Variants in CENPM observed in about 807,000 individuals in gnomAD.
The protein encoded by CENPM is centromere protein M.
A neutral mutation model predicts 19.6 loss-of-function variants in CENPM; 14 were observed. That is an observed-to-expected ratio of 0.71 (90% CI 0.47 to 1.11). The LOEUF (loss-of-function observed/expected upper bound fraction) is 1.11, where lower values mean the gene tolerates loss of function less well. Ranked by LOEUF, CENPM falls within the 50% of genes most tolerant of loss-of-function variation. CENPM has a pLI of 0.00. For missense variants in CENPM, 239 were observed against 228.4 expected (o/e 1.05, Z -0.30); for synonymous variants, 114 against 101.5 (o/e 1.12, Z -0.74).
At chr22:41,945,204 A>G (rs1398546416) in intron 4 of CENPM, 21 bp downstream of exon 4, 1 of 1,613,784 alleles carries the variant, frequency 6.2e-7, no homozygotes. Context: ...GTGGGCAGTA[A>G]CAGGCGAGGA....
At chr22:41,943,220 T>C (rs918388510) in intron 5 of CENPM, among the ~76,000 whole-genome samples, 26 of 152,172 alleles carry the variant, frequency 1.7e-4, no homozygotes, top group African/African-American at 6.3e-4. Context: ...GACATACGCT[T>C]GGCCTCACAA....
chr22:41,945,371 A>G (rs1375389736), intron 3 of CENPM, 67 bp from the exon 4 acceptor site: 7 of 1,602,148 alleles, frequency 4.4e-6, no homozygotes, highest in Non-Finnish European at 6.0e-6. Flanking sequence ...AGAAAGCAGA[A>G]GTCCTTGCTT....
At chr22:41,932,873 C>G in the CENPM span, among the ~76,000 whole-genome samples, 1 of 152,244 alleles carries the variant, frequency 6.6e-6, no homozygotes, top group Non-Finnish European at 1.5e-5. This position sits in a 1 kb window ranked among gnomAD's most constrained non-coding sequence, Gnocchi z 4.3. Flanking sequence ...CTCCCCGTCA[C>G]TCGCCACTCA....
At chr22:41,929,820 G>T in the CENPM span, among the ~76,000 whole-genome samples, 2 of 151,654 alleles carry the variant, frequency 1.3e-5, no homozygotes, top group Admixed American at 1.3e-4. Context: ...GGGGTGGGGG[G>T]CTGCAGCAGG....
the CENPM span, among the ~76,000 whole-genome samples, chr22:41,930,899 C>T: frequency 5.4e-5 from 8 of 149,124 alleles, no homozygotes; most frequent in South Asian, 2.1e-4. Context: ...TGCAATGGCA[C>T]GATCTTGGCT....
chr22:41,927,960 G>A, the CENPM span, among the ~76,000 whole-genome samples: 2 of 152,244 alleles, frequency 1.3e-5, no homozygotes, highest in Non-Finnish European at 2.9e-5. Context: ...CGATGGTGAA[G>A]TGTTTGCCAG....
At chr22:41,940,421 T>C (rs569962705) in intron 5 of CENPM, among the ~76,000 whole-genome samples, 1 of 152,288 alleles carries the variant, frequency 6.6e-6, no homozygotes, top group African/African-American at 2.4e-5. Flanking sequence ...AGTCTCGCTT[T>C]GTCACCCAGG....
the CENPM span, among the ~76,000 whole-genome samples, chr22:41,932,703 C>A: frequency 6.6e-6 from 1 of 152,200 alleles, no homozygotes; most frequent in African/African-American, 2.4e-5. The surrounding 1 kb of genome is among the most constrained non-coding windows in gnomAD (Gnocchi z 4.3). Context: ...AAAGCCCCCA[C>A]CTCTTGGGGG....
the CENPM span, among the ~76,000 whole-genome samples, chr22:41,931,405 G>T: frequency 1.3e-5 from 2 of 151,774 alleles, no homozygotes; most frequent in African/African-American, 2.4e-5. Flanking sequence ...GTTTGAACCC[G>T]GAAGCCAGAG....
At chr22:41,937,216 C>T (rs1187807988), downstream of CENPM, among the ~76,000 whole-genome samples, 1 of 152,244 alleles carries the variant, frequency 6.6e-6, no homozygotes. Flanking sequence ...CAAAATGAGA[C>T]CTCCAGCCAG....
Position 41,939,001 on chromosome 22 carries a change from G to A in CENPM, c.*55C>T. 1.3e-6 allele frequency: 2 copies of A among 1,599,866 alleles called. No homozygotes were observed. Among genetic ancestry groups the A allele is most frequent in the Non-Finnish European group, 1.7e-6 (2 of 1,172,412 alleles). ...TGACTGGACATCCTCAACAGAGAAT[G>A]TTTATGGAGTCAGCACGAAGCCATG... On this transcript the variant is annotated 3_prime_UTR_variant, in exon 6 of 6. Transcript: ENST00000215980.
At chr22:41,942,530 C>T (rs1482428655) in intron 5 of CENPM, among the ~76,000 whole-genome samples, 7 of 152,082 alleles carry the variant, frequency 4.6e-5, no homozygotes, top group Non-Finnish European at 7.4e-5. Context: ...GCGGGCGGAT[C>T]ACGAGGTCAG....
chr22:41,945,688 G>C (rs933672612), intron 3 of CENPM, among the ~76,000 whole-genome samples: 3 of 152,026 alleles, frequency 2.0e-5, no homozygotes, highest in African/African-American at 7.2e-5. Flanking sequence ...TGCCCACCTT[G>C]GCCTCCCAAA....
At chr22:41,940,783 T>C (rs969933033) in intron 5 of CENPM, among the ~76,000 whole-genome samples, 1 of 152,136 alleles carries the variant, frequency 6.6e-6, no homozygotes, top group Non-Finnish European at 1.5e-5. Flanking sequence ...ATAAGTCCTC[T>C]AAGTTTGGTG....
chr22:41,933,446 T>G, the CENPM span, among the ~76,000 whole-genome samples: 1 of 152,092 alleles, frequency 6.6e-6, no homozygotes, highest in Non-Finnish European at 1.5e-5. Context: ...GGGGGACCCC[T>G]TGGGCCTGGC....
Position 41,944,600 on chromosome 22 carries a change from T to C in CENPM, c.310+625A>G, listed in dbSNP as rs1470114763. ...CAATAGGAATATGAAAACAAAGCAA[T>C]TACCGTGTCTGCCTCACAGTGACAG... On this transcript the variant is annotated intron_variant, in intron 4 of 5. Coordinates refer to ENST00000215980, the MANE Select transcript of CENPM (RefSeq NM_024053.5). 5.5e-6 allele frequency: 5 copies of C among 902,336 alleles called. No individual in the cohort carries two copies. In the East Asian group the frequency reaches 4.7e-4, roughly 86 times the overall value. The allele number at this position is 902,336 out of a possible 1,614,324, so 55.9% of individuals were successfully genotyped here.
chr22:41,936,163 C>T (rs1185381177), downstream of CENPM, among the ~76,000 whole-genome samples: 3 of 152,226 alleles, frequency 2.0e-5, no homozygotes, highest in African/African-American at 7.2e-5. Flanking sequence ...AGCCACTGCG[C>T]CTGGCCTCCA....
At chr22:41,938,452 G>A (rs908682514), downstream of CENPM, among the ~76,000 whole-genome samples, 4 of 133,712 alleles carry the variant, frequency 3.0e-5, no homozygotes, top group African/African-American at 5.9e-5. Flanking sequence ...TGCAACCTCC[G>A]CCTCCCGGGT....
the CENPM span, among the ~76,000 whole-genome samples, chr22:41,932,159 C>T: frequency 2.6e-5 from 4 of 152,202 alleles, no homozygotes; most frequent in East Asian, 1.9e-4. The surrounding 1 kb of genome is among the most constrained non-coding windows in gnomAD (Gnocchi z 4.3). Flanking sequence ...TGCAGGGCTT[C>T]GAGTCAGCTC....
Sources: gnomAD v4.1 joint callset for allele counts (sites outside exome capture counted in the v4.1 genomes callset) on GRCh38, gnomAD v4.1.1 for gene constraint, Gnocchi (gnomAD v3.1) non-coding constraint, MANE v1.5 for transcripts, NCBI Gene and HGNC (gene_info 2026-07-23, HGNC 2026-07-21) for gene names.